ENO4: variants seen among roughly 807,000 people sequenced by gnomAD.
ENO4 encodes 2-phospho-D-glycerate hydro-lyase.
ENO4 carries 53 observed loss-of-function variants against 63.2 expected under a neutral mutation model. The ratio of observed to expected loss-of-function variants is 0.84; its 90% CI spans 0.67 to 1.05. The LOEUF (loss-of-function observed/expected upper bound fraction) is 1.05, where lower values mean the gene tolerates loss of function less well. Among genes scored for constraint, ENO4 ranks in the 50% least tolerant of loss-of-function variants. ENO4 has a pLI of 0.00. For missense variants in ENO4, 719 were observed against 772.0 expected (o/e 0.93, Z 0.81); for synonymous variants, 266 against 283.8 (o/e 0.94, Z 0.63).
intron 6 of ENO4, among the ~76,000 whole-genome samples, chr10:116,861,916 G>C (rs1429799855): frequency 6.6e-6 from 1 of 152,068 alleles, no homozygotes; most frequent in South Asian, 2.1e-4. Context: ...AGTTGCAGAA[G>C]AATACTATTT....
intron 11 of ENO4, among the ~76,000 whole-genome samples, 199 bp from the exon 12 acceptor site, chr10:116,879,092 G>A (rs1467232524): frequency 6.6e-6 from 1 of 152,056 alleles, no homozygotes; most frequent in Admixed American, 6.6e-5. Flanking sequence ...AGTATTTACA[G>A]CATCTAAGCT....
chr10:116,868,618 C>T, intron 7 of ENO4, 32 bp from the exon 8 acceptor site: 2 of 1,545,514 alleles, frequency 1.3e-6, no homozygotes, highest in Non-Finnish European at 1.8e-6. Flanking sequence ...CTAAAAATTC[C>T]AGGTGATACA....
chr10:116,911,981 G>A, downstream of ENO4: 2 of 662,502 alleles, frequency 3.0e-6, no homozygotes, highest in Admixed American at 2.8e-5. Flanking sequence ...TTAGGACTAT[G>A]TCTTAAGGTT....
intron 10 of ENO4, among the ~76,000 whole-genome samples, chr10:116,905,316 A>T (rs1207782347): frequency 6.6e-6 from 1 of 152,170 alleles, no homozygotes; most frequent in African/African-American, 2.4e-5. Context: ...AATAACGATT[A>T]TATGTTACGG....
intron 10 of ENO4, among the ~76,000 whole-genome samples, chr10:116,898,189 A>C (rs1847589835): frequency 6.6e-6 from 1 of 152,066 alleles, no homozygotes. Context: ...TTAGCTGGGC[A>C]TGGTGGCAGG....
chr10:116,894,967 CTT>C (rs1847465518), intron 10 of ENO4, among the ~76,000 whole-genome samples: 1 of 152,164 alleles, frequency 6.6e-6, no homozygotes, highest in South Asian at 2.1e-4. Flanking sequence ...TCCTGCCTCT[CTT>C]TATAATAAAA....
At position 116,874,205 on chromosome 10, in the gene ENO4, A is replaced by T; in HGVS notation, c.1341+4A>T. ...AATTGATCCTTTCAGGAAGGAGGTAAGCACCCCACCTTCCATATTTTATAA... is the reference window on the plus strand; with the variant it reads ...AATTGATCCTTTCAGGAAGGAGGTATGCACCCCACCTTCCATATTTTATAA... On this transcript the variant is annotated splice_donor_region_variant and intron_variant, in intron 10 of 13. Transcript: ENST00000341276. 1 of 1,530,080 alleles carries T rather than the reference A, an allele frequency of 6.5e-7. No homozygotes were observed. Among genetic ancestry groups the T allele is most frequent in the Non-Finnish European group, 8.8e-7 (1 of 1,131,450 alleles). The allele number at this position is 1,530,080 out of a possible 1,614,324, so 94.8% of individuals were successfully genotyped here.
intron 9 of ENO4, among the ~76,000 whole-genome samples, chr10:116,872,750 T>C (rs1427883664): frequency 1.3e-5 from 2 of 152,216 alleles, no homozygotes; most frequent in Non-Finnish European, 2.9e-5. Context: ...CAAGCATCTA[T>C]GGTGACTTGG....
chr10:116,907,265 G>A (rs117506955), intron 10 of ENO4, among the ~76,000 whole-genome samples: 19 of 152,256 alleles, frequency 1.2e-4, no homozygotes, highest in Non-Finnish European at 2.5e-4. Flanking sequence ...ATGCTCTCCA[G>A]GGGCCGACCC....
intron 13 of ENO4, among the ~76,000 whole-genome samples, chr10:116,880,500 A>C (rs1846974994): frequency 1.3e-5 from 2 of 152,212 alleles, no homozygotes; most frequent in Non-Finnish European, 2.9e-5. Context: ...GGGTAACTAG[A>C]GAGAAACACA....
chr10:116,865,774 T>TG, intron 7 of ENO4, among the ~76,000 whole-genome samples: 1 of 152,272 alleles, frequency 6.6e-6, no homozygotes, highest in Non-Finnish European at 1.5e-5. Flanking sequence ...GCCCCCACAG[T>TG]GGGGTGATCC....
At chr10:116,909,942 G>A (rs1467335273) in intron 10 of ENO4, among the ~76,000 whole-genome samples, 6 of 151,990 alleles carry the variant, frequency 3.9e-5, no homozygotes, top group Non-Finnish European at 7.4e-5. Flanking sequence ...CAGGCTTTTC[G>A]TGTTCCATCT....
intron 9 of ENO4, 48 bp downstream of exon 9, chr10:116,871,340 T>C (rs1342924270): frequency 6.9e-7 from 1 of 1,459,618 alleles, no homozygotes; most frequent in African/African-American, 1.4e-5. Context: ...ATCCATGATT[T>C]TTAAATTAGA....
At chr10:116,866,049 G>A (rs1468041137) in intron 7 of ENO4, among the ~76,000 whole-genome samples, 1 of 152,206 alleles carries the variant, frequency 6.6e-6, no homozygotes, top group Non-Finnish European at 1.5e-5. Context: ...CAGGTCGTAG[G>A]TGGCCAAGCT....
chr10:116,863,643 G>A (rs111741743), intron 7 of ENO4, among the ~76,000 whole-genome samples: 4,738 of 152,306 alleles, frequency 0.031, 130 homozygotes, highest in East Asian at 0.12. Context: ...TGAGGACCCA[G>A]TAGGATGGGG....
At chr10:116,874,036 T>C in intron 9 of ENO4, 40 bp from the exon 10 acceptor site, 1 of 1,491,844 alleles carries the variant, frequency 6.7e-7, no homozygotes, top group Non-Finnish European at 9.1e-7. Context: ...ATGAATTCAT[T>C]ATTTATCCCT....
At chr10:116,879,134 G>T (rs1484990749) in intron 11 of ENO4, among the ~76,000 whole-genome samples, 157 bp from the exon 12 acceptor site, 2 of 152,082 alleles carry the variant, frequency 1.3e-5, no homozygotes, top group Admixed American at 1.3e-4. Context: ...ACAAAAGCAG[G>T]GCAATAAAAA....
intron 1 of ENO4, among the ~76,000 whole-genome samples, chr10:116,854,415 C>T (rs1430334751): frequency 6.6e-6 from 1 of 151,886 alleles, no homozygotes; most frequent in East Asian, 1.9e-4. Flanking sequence ...AAAGAATTAG[C>T]CAGCCGTTTT....
intron 10 of ENO4, among the ~76,000 whole-genome samples, chr10:116,874,875 T>C (rs1377077179): frequency 1.3e-5 from 2 of 152,132 alleles, no homozygotes; most frequent in Admixed American, 1.3e-4. Context: ...GGTTTCGCCA[T>C]GTTGCCCAGG....
Sources: allele counts gnomAD v4.1 joint callset (sites outside exome capture counted in the v4.1 genomes callset), GRCh38; gene constraint gnomAD v4.1.1; transcripts MANE v1.5; gene names NCBI Gene and HGNC (gene_info 2026-07-23, HGNC 2026-07-21).